CHD3: variants seen among roughly 807,000 people sequenced by gnomAD.
The protein encoded by CHD3 is ATP-dependent chromatin remodeler CHD3.
CHD3 carries 52 observed loss-of-function variants against 248.9 expected under a neutral mutation model. The ratio of observed to expected loss-of-function variants is 0.21; its 90% confidence interval spans 0.17 to 0.26. The LOEUF (loss-of-function observed/expected upper bound fraction) is 0.26. Among genes scored for constraint, CHD3 ranks in the 10% least tolerant of loss-of-function variants. The pLI, the probability that CHD3 is intolerant of heterozygous loss-of-function variation, is 1.00. For synonymous variants in CHD3, 985 were observed against 985.2 expected (o/e 1.00, Z 0.00); for missense variants, 1,482 against 2,605.8 (o/e 0.57, Z 9.39).
intron 2 of CHD3, 51 bp from the exon 3 acceptor site, chr17:7,890,520 T>C (rs1218733743): frequency 3.0e-6 from 4 of 1,314,810 alleles, no homozygotes; most frequent in Non-Finnish European, 3.1e-6. Context: ...TGAGAACAGT[T>C]TCTGGCAATG....
At chr17:7,896,312 T>C (rs1407596775) in intron 10 of CHD3, among the ~76,000 whole-genome samples, 1 of 150,730 alleles carries the variant, frequency 6.6e-6, no homozygotes, top group Non-Finnish European at 1.5e-5. Context: ...ACCCAGGCCT[T>C]GTCTTCTGAA....
intron 13 of CHD3, 63 bp downstream of exon 13, chr17:7,898,658 G>T: frequency 1.6e-6 from 2 of 1,262,642 alleles, no homozygotes; most frequent in Non-Finnish European, 1.1e-6. Context: ...TTTTCCAAGG[G>T]CTACTGATGG....
rs1970672729 is a variant in CHD3 at position 7,904,395 on chromosome 17, A to C, written c.3895-47A>C. On this transcript the variant is annotated intron_variant, in intron 24 of 39. Coordinates refer to ENST00000330494, the MANE Select transcript of CHD3 (RefSeq NM_001005273.3). This position sits in a 1 kb window ranked among gnomAD's most constrained non-coding sequence, Gnocchi z 4.4. ...GGGATTTCCTTGCAGTGGAAGGATT[A>C]GCAAAGAAGGAGACCCCCAGTGTTC... 1 of 1,558,698 alleles carries C rather than the reference A, an allele frequency of 6.4e-7. No individual in the cohort carries two copies. The highest frequency in any genetic ancestry group is 1.7e-5 in the Admixed American group (1 of 58,126).
In CHD3 at chr17:7,899,819, G is replaced by A. The variant is rs1424967938; in HGVS notation, c.2545-77G>A. The A allele has an allele frequency of 1.9e-5, 30 of 1,555,440 alleles. No homozygotes were observed. The South Asian group carries it at 3.2e-4, about 16-fold the overall frequency. On this transcript the variant is annotated intron_variant, in intron 15 of 39. Transcript: ENST00000330494. The surrounding 1 kb of genome is among the most constrained non-coding windows in gnomAD (Gnocchi z 6.8). ...GGCTCCTGTTGGGAGCCACAGTCAG[G>A]ACAAGGTGTCTGGTTCTGGAGGTGT...
Position 7,908,391 on chromosome 17 carries a change from C to T in CHD3, c.5153-11C>T. On this transcript the variant is annotated splice_polypyrimidine_tract_variant and intron_variant, in intron 34 of 39. Coordinates refer to ENST00000330494, the MANE Select transcript of CHD3 (RefSeq NM_001005273.3). The surrounding 1 kb of genome is among the most constrained non-coding windows in gnomAD (Gnocchi z 5.8). ...CCCTGTTACCTCTTCTGTCTGCTGC[C>T]TTCTTTGCAGAGCTTCACACACTGT... 6.2e-7 allele frequency: 1 copy of T among 1,609,466 alleles called. No individual in the cohort carries two copies. Among genetic ancestry groups the T allele is most frequent in the Non-Finnish European group, 8.5e-7 (1 of 1,177,206 alleles).
At chr17:7,901,020 C>T (rs756901424) in intron 19 of CHD3, 27 bp downstream of exon 19, 31 of 1,603,590 alleles carry the variant, frequency 1.9e-5, no homozygotes, top group Admixed American at 5.1e-5. Context: ...GGGAGCTGAT[C>T]GAACGCCCAT....
At chr17:7,885,158 C>T, upstream of CHD3, 2 of 981,636 alleles carry the variant, frequency 2.0e-6, no homozygotes, top group Non-Finnish European at 2.4e-6. Context: ...GGGGGCGAGG[C>T]ACCCACCGCG....
At position 7,911,604 on chromosome 17, in the gene CHD3, C is replaced by G. The variant is rs770907445; in HGVS notation, c.*19C>G. ...CGACTGACTGGATCCCAGGCCTGCC[C>G]TTCACCCAGGCCCCGTCCCCGAGGC... On this transcript the variant is annotated 3_prime_UTR_variant, in exon 40 of 40. Transcript: ENST00000330494. The surrounding 1 kb of genome is among the most constrained non-coding windows in gnomAD (Gnocchi z 5.4). 3.7e-6 allele frequency: 6 copies of G among 1,613,776 alleles called. No homozygotes were observed. Among genetic ancestry groups the G allele is most frequent in the Non-Finnish European group, 1.7e-6 (2 of 1,179,796 alleles).
Position 7,909,686 on chromosome 17 carries a change from A to C in CHD3, c.5590+348A>C. 3.0e-6 allele frequency: 1 copy of C among 330,446 alleles called. No individual in the cohort carries two copies. Among genetic ancestry groups the C allele is most frequent in the African/African-American group, 2.2e-5 (1 of 45,522 alleles). 20.5% of individuals were successfully genotyped at this position (330,446 alleles called of 1,614,324 possible). A position where few individuals can be genotyped will look rare whatever the true frequency, so the allele number is the denominator to read the frequency against. On this transcript the variant is annotated intron_variant, in intron 37 of 39. Coordinates refer to ENST00000330494, the MANE Select transcript of CHD3 (RefSeq NM_001005273.3). The surrounding 1 kb of genome is among the most constrained non-coding windows in gnomAD (Gnocchi z 8.1). ...TCCAGTTAGGGGCCTTGGACTGTGA[A>C]TGCACCATACAGATCCCTGGCTGTG...
rs1296005595 is a variant in CHD3 at position 7,893,535 on chromosome 17, A to T, written c.759A>T (p.Pro253=). The change falls in exon 5 of 40, where the codon CCA becomes CCT. Residue 253 remains proline, a synonymous_variant. Transcript: ENST00000330494. Reference sequence around the variant, plus strand: ...CCCCTGCTGCTGATATCCAGCCCCCACCCATCCGAAGAGCCAAAACCAAAG... The same window carrying T: ...CCCCTGCTGCTGATATCCAGCCCCCTCCCATCCGAAGAGCCAAAACCAAAG... ...PPPPAADIQP[P]PIRRAKTKEG... 9 of 1,039,788 alleles carry T rather than the reference A, an allele frequency of 8.7e-6. No homozygotes were observed. In the South Asian group the frequency reaches 1.2e-4, roughly 14 times the overall value. The allele number at this position is 1,039,788 out of a possible 1,614,324, so 64.4% of individuals were successfully genotyped here. A position where few individuals can be genotyped will look rare whatever the true frequency, so the allele number is the denominator to read the frequency against.
Position 7,911,054 on chromosome 17 carries a change from G to A in CHD3, c.5881+81G>A, listed in dbSNP as rs1259082094. On this transcript the variant is annotated intron_variant, in intron 39 of 39. Coordinates refer to ENST00000330494, the MANE Select transcript of CHD3 (RefSeq NM_001005273.3). This position sits in a 1 kb window ranked among gnomAD's most constrained non-coding sequence, Gnocchi z 5.4. ...ATTTCTGCTCAGCTGCCCTTTAACT[G>A]CTCTAGTCCATCTCATTTCCTTGGT... is the stretch of plus-strand genomic sequence containing the variant. 6.4e-7 allele frequency: 1 copy of A among 1,564,358 alleles called. No homozygotes were observed. Among genetic ancestry groups the A allele is most frequent in the African/African-American group, 1.4e-5 (1 of 72,894 alleles).
chr17:7,908,978 T>C lies in CHD3; in HGVS notation c.5394+149T>C. On this transcript the variant is annotated intron_variant, in intron 36 of 39. Transcript: ENST00000330494. The surrounding 1 kb of genome is among the most constrained non-coding windows in gnomAD (Gnocchi z 5.8). ...CAAAGTGTAACCTTGTGCTTGGGAG[T>C]GTGATCTGGGTCAGGGTTGCTGCTA... is the stretch of plus-strand genomic sequence containing the variant. The C allele has an allele frequency of 2.1e-6, 3 of 1,411,228 alleles. No individual in the cohort carries two copies. Among genetic ancestry groups the C allele is most frequent in the South Asian group, 2.6e-5 (2 of 76,948 alleles). 87.4% of individuals were successfully genotyped at this position (1,411,228 alleles called of 1,614,324 possible). A position where few individuals can be genotyped will look rare whatever the true frequency, so the allele number is the denominator to read the frequency against.
chr17:7,903,560 TATC>T lies in CHD3; in HGVS notation c.3727+59_3727+61del. On this transcript the variant is annotated intron_variant, in intron 23 of 39. Coordinates refer to ENST00000330494, the MANE Select transcript of CHD3 (RefSeq NM_001005273.3). This position sits in a 1 kb window ranked among gnomAD's most constrained non-coding sequence, Gnocchi z 6.8. ...AGGCCCCTGCTCTCTCAGGAGTACTTATCAGCCCCCTGGGGAGAGAAAAACAAC... is the reference window on the plus strand; with the variant it reads ...AGGCCCCTGCTCTCTCAGGAGTACTTAGCCCCCTGGGGAGAGAAAAACAAC... The T allele has an allele frequency of 7.0e-7, 1 of 1,423,240 alleles. No homozygotes were observed. Among genetic ancestry groups the T allele is most frequent in the Non-Finnish European group, 9.7e-7 (1 of 1,027,150 alleles). 88.2% of individuals were successfully genotyped at this position (1,423,240 alleles called of 1,614,324 possible).
rs1598012452 is a variant in CHD3 at position 7,910,195 on chromosome 17, G to A, written c.5591-233G>A. The A allele has an allele frequency of 1.7e-6, 1 of 582,540 alleles. No homozygotes were observed. The highest frequency in any genetic ancestry group is 2.9e-5 in the East Asian group (1 of 34,340). 36.1% of individuals were successfully genotyped at this position (582,540 alleles called of 1,614,324 possible). On this transcript the variant is annotated intron_variant, in intron 37 of 39. Coordinates refer to ENST00000330494, the MANE Select transcript of CHD3 (RefSeq NM_001005273.3). The surrounding 1 kb of genome is among the most constrained non-coding windows in gnomAD (Gnocchi z 4.7). ...TCTTTCTCTCCATCTGTCTTCTGTGGTAATCTGGTCTCTCTGTCTCTTTTC... is the reference window on the plus strand; with the variant it reads ...TCTTTCTCTCCATCTGTCTTCTGTGATAATCTGGTCTCTCTGTCTCTTTTC...
chr17:7,889,204 C>A lies in CHD3; in HGVS notation c.100+104C>A. The stretch of plus-strand genomic sequence containing the variant: ...ACCCAGGTGTCCACCTTTGGCTCTC[C>A]CTCCCCAGCATCTGGCTTAGGGAGC... On this transcript the variant is annotated intron_variant, in intron 1 of 39. Coordinates refer to ENST00000330494, the MANE Select transcript of CHD3 (RefSeq NM_001005273.3). This position sits in a 1 kb window ranked among gnomAD's most constrained non-coding sequence, Gnocchi z 4.5. The A allele has an allele frequency of 7.0e-7, 1 of 1,420,780 alleles. No homozygotes were observed. Among genetic ancestry groups the A allele is most frequent in the Non-Finnish European group, 9.7e-7 (1 of 1,028,346 alleles). The allele number at this position is 1,420,780 out of a possible 1,614,324, so 88.0% of individuals were successfully genotyped here. A position where few individuals can be genotyped will look rare whatever the true frequency, so the allele number is the denominator to read the frequency against.
Position 7,895,753 on chromosome 17 carries a change from G to A in CHD3, c.1707+211G>A, listed in dbSNP as rs1969551793. Reference sequence around the variant, plus strand: ...AGTCTCCGTTAGCTTCCTTCCCTCAGATATAGCATAGCCTTTCCTAACTTC... The same window carrying A: ...AGTCTCCGTTAGCTTCCTTCCCTCAAATATAGCATAGCCTTTCCTAACTTC... On this transcript the variant is annotated intron_variant, in intron 10 of 39. Transcript: ENST00000330494. The surrounding 1 kb of genome is among the most constrained non-coding windows in gnomAD (Gnocchi z 4.9). 6.6e-6 allele frequency among the ~76,000 whole-genome samples: 1 copy of A among 152,124 alleles called. No individual in the cohort carries two copies. Among genetic ancestry groups the A allele is most frequent in the Non-Finnish European group, 1.5e-5 (1 of 68,024 alleles).
intron 4 of CHD3, among the ~76,000 whole-genome samples, chr17:7,892,881 C>T (rs1247141300): frequency 6.6e-6 from 1 of 152,194 alleles, no homozygotes; most frequent in East Asian, 1.9e-4. Flanking sequence ...TATCCTCCAA[C>T]TCCTGGGCTC....
rs1460637950 is a variant in CHD3, at chr17:7,906,851, C to A, written c.4504-18C>A. ...GCGCCTGGAGCTGACACCTAACCCTCCCACCCTGCCACCCCAGGTGCAGGA... is the reference window on the plus strand; with the variant it reads ...GCGCCTGGAGCTGACACCTAACCCTACCACCCTGCCACCCCAGGTGCAGGA... On this transcript the variant is annotated intron_variant, in intron 29 of 39. Transcript: ENST00000330494. This position sits in a 1 kb window ranked among gnomAD's most constrained non-coding sequence, Gnocchi z 5.0. 10 of 1,613,978 alleles carry A rather than the reference C, an allele frequency of 6.2e-6. No individual in the cohort carries two copies. The highest frequency in any genetic ancestry group is 8.5e-6 in the Non-Finnish European group (10 of 1,179,904).
chr17:7,908,370 G>A lies in CHD3; in HGVS notation c.5153-32G>A. On this transcript the variant is annotated intron_variant, in intron 34 of 39. Transcript: ENST00000330494. This position sits in a 1 kb window ranked among gnomAD's most constrained non-coding sequence, Gnocchi z 5.8. ...GACTGAGTGCAGTCTGCAAAACCCTGTTACCTCTTCTGTCTGCTGCCTTCT... is the reference window on the plus strand; with the variant it reads ...GACTGAGTGCAGTCTGCAAAACCCTATTACCTCTTCTGTCTGCTGCCTTCT... 6.4e-7 allele frequency: 1 copy of A among 1,572,944 alleles called. No homozygotes were observed. The highest frequency in any genetic ancestry group is 1.1e-5 in the South Asian group (1 of 88,284).
Sources: gnomAD v4.1 joint callset for allele counts (sites outside exome capture counted in the v4.1 genomes callset) on GRCh38, gnomAD v4.1.1 for gene constraint, Gnocchi (gnomAD v3.1) non-coding constraint, MANE v1.5 for transcripts, NCBI Gene and HGNC (gene_info 2026-07-23, HGNC 2026-07-21) for gene names.